FUT8: variants seen among roughly 807,000 people sequenced by gnomAD.
The protein encoded by FUT8 is alpha-(1,6)-fucosyltransferase.
In FUT8, 29 loss-of-function variants were observed where a neutral mutation model predicts 71.3. That is an observed-to-expected ratio of 0.41 (90% CI 0.30 to 0.55). FUT8 has a LOEUF of 0.55. Ranked by LOEUF, FUT8 falls within the 20% of genes least tolerant of loss-of-function variation. FUT8 has a pLI of 0.34. For missense variants in FUT8, 544 were observed against 702.1 expected, an observed-to-expected ratio of 0.77 and a Z score of 2.55; for synonymous variants, 254 against 239.3, an observed-to-expected ratio of 1.06 and a Z score of -0.57.
At chr14:65,618,383 A>G (rs1285719546) in intron 5 of FUT8, among the ~76,000 whole-genome samples, 2 of 152,146 alleles carry the variant, frequency 1.3e-5, no homozygotes, top group African/African-American at 4.8e-5. Context: ...ATGATTCCTT[A>G]CAGTGCCATT....
intron 2 of FUT8, among the ~76,000 whole-genome samples, chr14:65,514,416 C>T (rs1210085443): frequency 2.0e-5 from 3 of 152,194 alleles, no homozygotes; most frequent in Non-Finnish European, 2.9e-5. Context: ...AGATTTCTGC[C>T]GAATACAAGA....
intron 1 of FUT8, among the ~76,000 whole-genome samples, chr14:65,431,971 TTA>T (rs1179125105): frequency 1.3e-5 from 2 of 152,196 alleles, no homozygotes; most frequent in Non-Finnish European, 2.9e-5. Flanking sequence ...AAAAAACAAT[TTA>T]TGTCTGTTGT....
chr14:65,633,175 C>G lies in FUT8; in HGVS notation c.597+3569C>G, dbSNP rs1365225776. Reference sequence around the variant, plus strand: ...CTGCGATTGCAGGCGCGCGCCGCCACGCCTGACTGGTTTTCGTATTTTTTT... The same window carrying G: ...CTGCGATTGCAGGCGCGCGCCGCCAGGCCTGACTGGTTTTCGTATTTTTTT... On this transcript the variant is annotated intron_variant, in intron 6 of 10. Coordinates refer to ENST00000673929, the MANE Select transcript of FUT8 (RefSeq NM_001371533.1). Among the ~76,000 whole-genome samples, 16 of 152,218 alleles carry G rather than the reference C, an allele frequency of 1.1e-4. No individual in the cohort carries two copies. In the South Asian group the frequency reaches 3.3e-3, roughly 32 times the overall value.
chr14:65,629,197 C>T (rs1315295658), intron 5 of FUT8, among the ~76,000 whole-genome samples: 4 of 152,210 alleles, frequency 2.6e-5, no homozygotes, highest in Admixed American at 2.6e-4. Flanking sequence ...TTTGCGTATT[C>T]ACTTTCCTCC....
chr14:65,740,657 A>G (rs1896450612), intron 10 of FUT8, among the ~76,000 whole-genome samples: 1 of 151,994 alleles, frequency 6.6e-6, no homozygotes, highest in Admixed American at 6.6e-5. Flanking sequence ...ACATGACTGG[A>G]GCAGGAGGAA....
intron 2 of FUT8, among the ~76,000 whole-genome samples, chr14:65,492,330 A>C (rs772690236): frequency 6.6e-6 from 1 of 152,214 alleles, no homozygotes; most frequent in Non-Finnish European, 1.5e-5. Context: ...ATTGTGAGCT[A>C]TAACAAGTGG....
chr14:65,547,058 T>C (rs1156990641), intron 2 of FUT8, among the ~76,000 whole-genome samples: 1 of 151,774 alleles, frequency 6.6e-6, no homozygotes, highest in African/African-American at 2.4e-5. Flanking sequence ...GTAGTATCTC[T>C]AGTAATACTA....
intron 1 of FUT8, among the ~76,000 whole-genome samples, chr14:65,435,267 G>T (rs1159410583): frequency 6.6e-6 from 1 of 151,844 alleles, no homozygotes; most frequent in Non-Finnish European, 1.5e-5. Flanking sequence ...TATTTTTGTT[G>T]TATTTTTTTT....
chr14:65,397,969 A>G, the FUT8 span, among the ~76,000 whole-genome samples: 1 of 152,220 alleles, frequency 6.6e-6, no homozygotes, highest in Non-Finnish European at 1.5e-5. This position sits in a 1 kb window ranked among gnomAD's most constrained non-coding sequence, Gnocchi z 4.2. Flanking sequence ...CCAAAAGCCT[A>G]TTGATGCCTT....
At position 65,505,139 on chromosome 14, in the gene FUT8, C is replaced by T. The variant is rs2066707713; in HGVS notation, c.-228+49421C>T. ...AAGCTATCTTGTCTCATTTAACTAG[C>T]CACTGTTATCTGAATAGTTGAGTTT... On this transcript the variant is annotated intron_variant, in intron 2 of 10. Transcript: ENST00000673929. 2.0e-5 allele frequency among the ~76,000 whole-genome samples: 3 copies of T among 151,986 alleles called. No individual in the cohort carries two copies. In the South Asian group the frequency reaches 6.2e-4, roughly 32 times the overall value.
intron 2 of FUT8, among the ~76,000 whole-genome samples, chr14:65,480,299 ATTTTTTTTTTTT>A (rs5809276): frequency 4.1e-5 from 4 of 96,978 alleles, no homozygotes; most frequent in South Asian, 3.9e-4. Context: ...ATGAACTGTG[ATTTTTTTTTTTT>A]TTTTTTTTTT....
intron 2 of FUT8, among the ~76,000 whole-genome samples, chr14:65,555,016 A>G (rs1475717543): frequency 1.3e-5 from 2 of 152,248 alleles, no homozygotes; most frequent in African/African-American, 2.4e-5. Flanking sequence ...CTTTTATTCT[A>G]TAACTGGAGT....
At chr14:65,391,789 A>AC in the FUT8 span, among the ~76,000 whole-genome samples, 1 of 133,990 alleles carries the variant, frequency 7.5e-6, no homozygotes, top group African/African-American at 2.9e-5. Flanking sequence ...TACCTGGCTA[A>AC]TTTTGTATTT....
In FUT8 at chr14:65,570,453, A is replaced by G. The variant is rs992216305; in HGVS notation, c.203+8687A>G. Among the ~76,000 whole-genome samples the G allele has an allele frequency of 4.6e-5, 7 of 151,744 alleles. 1 individual carries two copies. The highest frequency in any genetic ancestry group is 1.5e-4 in the African/African-American group (6 of 41,324). On this transcript the variant is annotated intron_variant, in intron 3 of 10. Transcript: ENST00000673929. ...GGGGAGTGCTTATTGTCATTATTACAGTGAGAATGAGAATAGGGTTTGCCA... is the reference window on the plus strand; with the variant it reads ...GGGGAGTGCTTATTGTCATTATTACGGTGAGAATGAGAATAGGGTTTGCCA...
chr14:65,362,277 C>T, the FUT8 span, among the ~76,000 whole-genome samples: 5 of 152,208 alleles, frequency 3.3e-5, no homozygotes, highest in Non-Finnish European at 5.9e-5. Flanking sequence ...AATAGCACAA[C>T]GCTGTCTTCT....
chr14:65,633,945 G>A (rs1232914757), intron 6 of FUT8, among the ~76,000 whole-genome samples: 1 of 151,210 alleles, frequency 6.6e-6, no homozygotes, highest in Non-Finnish European at 1.5e-5. Context: ...GGGAGGTGGG[G>A]GGTCAGCCCC....
chr14:65,675,531 G>A (rs1892671728), intron 7 of FUT8, among the ~76,000 whole-genome samples: 1 of 152,126 alleles, frequency 6.6e-6, no homozygotes, highest in Non-Finnish European at 1.5e-5. Context: ...GCTGTTAGGA[G>A]CATTTTGGTG....
At chr14:65,364,297 C>T in the FUT8 span, among the ~76,000 whole-genome samples, 57 of 150,984 alleles carry the variant, frequency 3.8e-4, no homozygotes, top group African/African-American at 1.0e-3. Flanking sequence ...CTCCACCTCC[C>T]GGGTTCAAGC....
intron 9 of FUT8, among the ~76,000 whole-genome samples, chr14:65,726,185 A>G (rs1383444721): frequency 6.6e-6 from 1 of 152,246 alleles, no homozygotes; most frequent in Non-Finnish European, 1.5e-5. Flanking sequence ...ACCAAACTGA[A>G]TTTGTAGCTT....
Sources: allele counts gnomAD v4.1 joint callset (sites outside exome capture counted in the v4.1 genomes callset), GRCh38; gene constraint gnomAD v4.1.1; non-coding constraint Gnocchi (gnomAD v3.1); transcripts MANE v1.5; gene names NCBI Gene and HGNC (gene_info 2026-07-23, HGNC 2026-07-21).